The following NAPG variants were observed in gnomAD, a reference collection of about 807,000 sequenced individuals.
NAPG encodes gamma-soluble NSF attachment protein.
NAPG carries 25 observed loss-of-function variants against 48.4 expected under a neutral mutation model. That is an observed-to-expected ratio of 0.52 (90% CI 0.38 to 0.72). The LOEUF is 0.72. Ranked by LOEUF, NAPG falls within the 30% of genes least tolerant of loss-of-function variation. The pLI, the probability that NAPG is intolerant of heterozygous loss-of-function variation, is 0.00. For synonymous variants in NAPG, 139 were observed against 127.2 expected, an observed-to-expected ratio of 1.09 and a Z score of -0.62; for missense variants, 359 against 372.5, an observed-to-expected ratio of 0.96 and a Z score of 0.30.
chr18:10,539,786 G>A lies in NAPG; in HGVS notation c.283G>A (p.Val95Ile), dbSNP rs201039776. The A allele has an allele frequency of 3.9e-4, 631 of 1,613,848 alleles. 1 individual carries two copies. The highest frequency in any genetic ancestry group is 4.8e-4 in the Non-Finnish European group (570 of 1,179,874). The change falls in exon 6 of 12, where the codon GTT becomes ATT. Residue 95 changes from valine (V) to isoleucine (I), a missense_variant. Physicochemically the swap from Val to Ile is conservative, Grantham distance 29. Transcript: ENST00000322897. The surrounding 1 kb of genome is among the most constrained non-coding windows in gnomAD (Gnocchi z 4.7). Reference protein sequence around the residue: ...LKEMQKLPEAVQLIEKASMMY... With the variant: ...LKEMQKLPEAIQLIEKASMMY... ...GGAGATGCAGAAACTACCAGAGGCCGTTCAGCTAATTGAGAAGGCCAGCAT... is the reference window on the plus strand; with the variant it reads ...GGAGATGCAGAAACTACCAGAGGCCATTCAGCTAATTGAGAAGGCCAGCAT...
intron 9 of NAPG, among the ~76,000 whole-genome samples, chr18:10,547,933 C>T (rs954406628): frequency 6.6e-6 from 1 of 152,006 alleles, no homozygotes; most frequent in African/African-American, 2.4e-5. Flanking sequence ...CTTTTTTATT[C>T]ACTTTTCAAG....
chr18:10,543,626 T>C lies in NAPG; in HGVS notation c.507-2700T>C, dbSNP rs1249952330. The stretch of plus-strand genomic sequence containing the variant: ...AAGGTGTCTGTTGAAAGCTTGGGGA[T>C]GAATGAGGTTCTGTGACAGTTTTCT... On this transcript the variant is annotated intron_variant, in intron 8 of 11. Coordinates refer to ENST00000322897, the MANE Select transcript of NAPG (RefSeq NM_003826.3). This position sits in a 1 kb window ranked among gnomAD's most constrained non-coding sequence, Gnocchi z 4.4. 1.3e-5 allele frequency among the ~76,000 whole-genome samples: 2 copies of C among 152,206 alleles called. No individual in the cohort carries two copies. The highest frequency in any genetic ancestry group is 2.9e-5 in the Non-Finnish European group (2 of 68,034).
In NAPG at chr18:10,550,348, A is replaced by G; in HGVS notation, c.*128A>G. The G allele has an allele frequency of 8.2e-6, 8 of 977,278 alleles. No individual in the cohort carries two copies. Among genetic ancestry groups the G allele is most frequent in the Non-Finnish European group, 1.1e-5 (8 of 699,088 alleles). 60.5% of individuals were successfully genotyped at this position (977,278 alleles called of 1,614,324 possible). A position where few individuals can be genotyped will look rare whatever the true frequency, so the allele number is the denominator to read the frequency against. The stretch of plus-strand genomic sequence containing the variant: ...ATGATTTTGGATCCTAATAAAGACT[A>G]GTTTTTAGTTACCATCTTCCCAAAT... On this transcript the variant is annotated 3_prime_UTR_variant, in exon 12 of 12. Transcript: ENST00000322897.
rs974757554 is a variant in NAPG, at chr18:10,543,259, C to G, written c.506+2860C>G. 1.4e-4 allele frequency among the ~76,000 whole-genome samples: 21 copies of G among 152,100 alleles called. No individual in the cohort carries two copies. Among genetic ancestry groups the G allele is most frequent in the Admixed American group, 7.2e-4 (11 of 15,266 alleles). ...GTGTGTGGTCTCAGTGAACCCAAAT[C>G]CCTCCTAGAAGACTCACTTAGCAAA... On this transcript the variant is annotated intron_variant, in intron 8 of 11. Coordinates refer to ENST00000322897, the MANE Select transcript of NAPG (RefSeq NM_003826.3). This position sits in a 1 kb window ranked among gnomAD's most constrained non-coding sequence, Gnocchi z 4.4.
At position 10,546,431 on chromosome 18, in the gene NAPG, G is replaced by A; in HGVS notation, c.585+27G>A. 1 of 1,353,210 alleles carries A rather than the reference G, an allele frequency of 7.4e-7. No homozygotes were observed. The highest frequency in any genetic ancestry group is 1.0e-6 in the Non-Finnish European group (1 of 980,598). The allele number at this position is 1,353,210 out of a possible 1,614,324, so 83.8% of individuals were successfully genotyped here. ...TATTCTTTGAAAGTGTTTGTTTTTG[G>A]TATTACATTAGATGATTTTTTATAC... On this transcript the variant is annotated intron_variant, in intron 9 of 11. Coordinates refer to ENST00000322897, the MANE Select transcript of NAPG (RefSeq NM_003826.3). The surrounding 1 kb of genome is among the most constrained non-coding windows in gnomAD (Gnocchi z 4.0).
At chr18:10,530,363 G>A (rs1389509638) in intron 1 of NAPG, among the ~76,000 whole-genome samples, 1 of 151,942 alleles carries the variant, frequency 6.6e-6, no homozygotes, top group African/African-American at 2.4e-5. Context: ...ACTCTTGTCT[G>A]TGCGTCAGTT....
chr18:10,534,392 G>C lies in NAPG; in HGVS notation c.228-74G>C. 7.7e-7 allele frequency: 1 copy of C among 1,305,454 alleles called. No individual in the cohort carries two copies. Among genetic ancestry groups the C allele is most frequent in the Non-Finnish European group, 1.1e-6 (1 of 902,944 alleles). 80.9% of individuals were successfully genotyped at this position (1,305,454 alleles called of 1,614,324 possible). On this transcript the variant is annotated intron_variant, in intron 4 of 11. Transcript: ENST00000322897. This position sits in a 1 kb window ranked among gnomAD's most constrained non-coding sequence, Gnocchi z 5.0. The stretch of plus-strand genomic sequence containing the variant: ...ATTGAAGTCACTTTCCTTACCAGTA[G>C]TTCCTCACCAGAAAGTTTCTTCTAC...
rs2032261635 is a variant in NAPG at position 10,546,168 on chromosome 18, T to A, written c.507-158T>A. ...TCAGACATTTGAAAGGTAAGCCAGA[T>A]GAGCAGAGCATGTGGAAACCTGGGT... is the stretch of plus-strand genomic sequence containing the variant. On this transcript the variant is annotated intron_variant, in intron 8 of 11. Transcript: ENST00000322897. The surrounding 1 kb of genome is among the most constrained non-coding windows in gnomAD (Gnocchi z 4.0). 6.6e-6 allele frequency among the ~76,000 whole-genome samples: 1 copy of A among 152,168 alleles called. No individual in the cohort carries two copies. The highest frequency in any genetic ancestry group is 2.1e-4 in the South Asian group (1 of 4,820).
chr18:10,540,098 T>C, intron 7 of NAPG, 44 bp downstream of exon 7: 1 of 1,439,614 alleles, frequency 6.9e-7, no homozygotes, highest in Non-Finnish European at 9.4e-7. Context: ...TTAGAATGTT[T>C]AGATTAATAA....
In NAPG at chr18:10,550,141, C is replaced by T. The variant is rs764773999; in HGVS notation, c.860C>T (p.Thr287Ile). Residue 287 changes from threonine to isoleucine, a missense_variant, in exon 12 of 12, where the codon ACA becomes ATA. Transcript: ENST00000322897. ...GGGIKKKSPA[T>I]PQAKPDGVTA... is the part of the protein sequence containing the mutation. ...GGAATCAAGAAGAAATCACCTGCAA[C>T]ACCACAGGCCAAGCCTGATGGTGTC... The T allele has an allele frequency of 6.3e-7, 1 of 1,578,470 alleles. No individual in the cohort carries two copies. Among genetic ancestry groups the T allele is most frequent in the Non-Finnish European group, 8.6e-7 (1 of 1,165,364 alleles).
At chr18:10,540,575 A>G in intron 8 of NAPG, 176 bp downstream of exon 8, 1 of 473,818 alleles carries the variant, frequency 2.1e-6, no homozygotes, top group Non-Finnish European at 3.7e-6. Flanking sequence ...TTAGATATTA[A>G]AAGATCTGCT....
chr18:10,533,506 C>G, intron 3 of NAPG, 30 bp from the exon 4 acceptor site: 4 of 1,573,066 alleles, frequency 2.5e-6, no homozygotes, highest in Non-Finnish European at 3.4e-6. Flanking sequence ...TTCTTTTTTC[C>G]TTAACTTTGA....
At position 10,548,333 on chromosome 18, in the gene NAPG, G is replaced by C; in HGVS notation, c.620G>C (p.Arg207Thr). ...GCTCAAGTCTTAGTTCATCTACACA[G>C]AAATGACTATGTAGCTGCAGAAAGA... ...TIAQVLVHLH[R>T]NDYVAAERCV... Residue 207 changes from arginine to threonine, a missense_variant, in exon 10 of 12, where the codon AGA (arginine) becomes ACA (threonine). By Grantham distance (71) the Arg-to-Thr change is moderately conservative. Transcript: ENST00000322897. This position sits in a 1 kb window ranked among gnomAD's most constrained non-coding sequence, Gnocchi z 4.4. 6.2e-7 allele frequency: 1 copy of C among 1,613,828 alleles called. No homozygotes were observed. The highest frequency in any genetic ancestry group is 8.5e-7 in the Non-Finnish European group (1 of 1,179,764).
chr18:10,545,073 G>T (rs190730375), intron 8 of NAPG, among the ~76,000 whole-genome samples: 1 of 152,054 alleles, frequency 6.6e-6, no homozygotes, highest in Non-Finnish European at 1.5e-5. Context: ...GCACTTTGGG[G>T]GGCTGAGGCA....
In NAPG at chr18:10,549,027, T is replaced by C; in HGVS notation, c.726T>C (p.Tyr242=). The C allele has an allele frequency of 6.2e-7, 1 of 1,613,998 alleles. No homozygotes were observed. Reference sequence around the variant, plus strand: ...CCCTGGAACAGCTTCTTGAAGGTTATGACCAGCAAGACCAAGATCAGGTGT... The same window carrying C: ...CCCTGGAACAGCTTCTTGAAGGTTACGACCAGCAAGACCAAGATCAGGTGT... ...CAALEQLLEG[Y]DQQDQDQVSD... is the part of the protein sequence containing the mutation. Residue 242 remains tyrosine, a synonymous_variant, in exon 11 of 12, where the codon TAT becomes TAC. Transcript: ENST00000322897.
At chr18:10,549,957 CTGAA>C (rs2032352169) in intron 11 of NAPG, 116 bp from the exon 12 acceptor site, 12 of 1,062,082 alleles carry the variant, frequency 1.1e-5, no homozygotes, top group Non-Finnish European at 1.5e-5. Context: ...GTTTTTCCAT[CTGAA>C]TGGTAGAATT....
At chr18:10,532,579 T>A in intron 2 of NAPG, 132 bp from the exon 3 acceptor site, 1 of 560,276 alleles carries the variant, frequency 1.8e-6, no homozygotes, top group Admixed American at 4.0e-5. Flanking sequence ...AGTAATATTT[T>A]ATAGTTTTAG....
At chr18:10,540,514 C>A in intron 8 of NAPG, 115 bp downstream of exon 8, 1 of 694,770 alleles carries the variant, frequency 1.4e-6, no homozygotes, top group Non-Finnish European at 2.5e-6. Context: ...TGTAGACACA[C>A]CAGGCCACAC....
At chr18:10,530,692 T>G in intron 1 of NAPG, 78 bp from the exon 2 acceptor site, 1 of 774,178 alleles carries the variant, frequency 1.3e-6, no homozygotes, top group Non-Finnish European at 1.9e-6. Flanking sequence ...TTTAAAGACC[T>G]AGAAGGTCAT....
Sources: gnomAD v4.1 joint callset for allele counts (sites outside exome capture counted in the v4.1 genomes callset) on GRCh38, gnomAD v4.1.1 for gene constraint, Gnocchi (gnomAD v3.1) non-coding constraint, MANE v1.5 for transcripts, NCBI Gene and HGNC (gene_info 2026-07-23, HGNC 2026-07-21) for gene names.